The following SLFN12L variants were observed in gnomAD, a reference collection of about 807,000 sequenced individuals.
The protein encoded by SLFN12L is schlafen family member 12-like.
In SLFN12L, 34 loss-of-function variants were observed where a neutral mutation model predicts 34.8. The observed-to-expected ratio is 0.98, with a 90% confidence interval of 0.74 to 1.30. The LOEUF (loss-of-function observed/expected upper bound fraction) is 1.30, where lower values mean the gene tolerates loss of function less well. Among genes scored for constraint, SLFN12L ranks in the 50% most tolerant of loss-of-function variants. SLFN12L has a pLI of 0.00. For missense variants in SLFN12L, 703 were observed against 696.2 expected (o/e 1.01, Z -0.11); for synonymous variants, 259 against 247.5 (o/e 1.05, Z -0.44).
At chr17:35,527,133 G>A (rs560270138) in intron 1 of SLFN12L, among the ~76,000 whole-genome samples, 90 of 152,110 alleles carry the variant, frequency 5.9e-4, no homozygotes, top group Non-Finnish European at 1.2e-3. Flanking sequence ...ATTCCTGGAC[G>A]CATAGGCCCT....
At chr17:35,517,222 G>GA (rs1277381409) in intron 2 of SLFN12L, among the ~76,000 whole-genome samples, 4 of 151,000 alleles carry the variant, frequency 2.6e-5, no homozygotes, top group Non-Finnish European at 5.9e-5. Flanking sequence ...CTGGGGCAGA[G>GA]AAAAAAAAAT....
chr17:35,520,818 T>C (rs1390013066), intron 2 of SLFN12L, among the ~76,000 whole-genome samples: 3 of 152,092 alleles, frequency 2.0e-5, no homozygotes, highest in African/African-American at 7.2e-5. Flanking sequence ...TTACTCTCCA[T>C]GCACATGCAC....
In SLFN12L at chr17:35,464,381, T is replaced by C. The variant is rs1913688564; in HGVS notation, c.*10542A>G. The C allele has an allele frequency of 6.6e-6, 1 of 152,192 alleles. No individual in the cohort carries two copies. Among genetic ancestry groups the C allele is most frequent in the African/African-American group, 2.4e-5 (1 of 41,438 alleles). The allele number at this position is 152,192 out of a possible 1,614,324, so 9.4% of individuals were successfully genotyped here. ...TTTCATCACCCAGGTATTAAGCCCA[T>C]ACCCAATAGTTAACTTTTCTGCTCC... On this transcript the variant is annotated 3_prime_UTR_variant, in exon 5 of 5. Transcript: ENST00000628453.
chr17:35,502,792 TA>T (rs1204545757), intron 2 of SLFN12L, among the ~76,000 whole-genome samples: 1 of 152,144 alleles, frequency 6.6e-6, no homozygotes, highest in Non-Finnish European at 1.5e-5. Context: ...TCCACAGACA[TA>T]AAGGAAGTTT....
intron 1 of SLFN12L, among the ~76,000 whole-genome samples, chr17:35,529,234 T>C (rs190250170): frequency 5.8e-4 from 89 of 152,352 alleles, no homozygotes; most frequent in Admixed American, 1.1e-3. Flanking sequence ...GGAATGCTTT[T>C]ACACTGTTGA....
chr17:35,472,342 T>C lies in SLFN12L; in HGVS notation c.*2581A>G, dbSNP rs201840184. 1.1e-4 allele frequency among the ~76,000 whole-genome samples: 17 copies of C among 152,348 alleles called. No individual in the cohort carries two copies. In the East Asian group the frequency reaches 3.1e-3, roughly 28 times the overall value. On this transcript the variant is annotated 3_prime_UTR_variant, in exon 5 of 5. Coordinates refer to ENST00000628453, the MANE Select transcript of SLFN12L (RefSeq NM_001363830.2). ...TAAGGAAGGGATCCAGTTTCAGTTT[T>C]CTGCATATGGCTAGCCAGTTCTCCC...
Position 35,474,667 on chromosome 17 carries a change from C to T in SLFN12L, c.*256G>A, listed in dbSNP as rs1913875150. 1 of 382,536 alleles carries T rather than the reference C, an allele frequency of 2.6e-6. No homozygotes were observed. The highest frequency in any genetic ancestry group is 2.3e-5 in the African/African-American group (1 of 44,134). 23.7% of individuals were successfully genotyped at this position (382,536 alleles called of 1,614,324 possible). On this transcript the variant is annotated 3_prime_UTR_variant, in exon 5 of 5. Transcript: ENST00000628453. ...CCGGGCGCGGTGGCTCACATCTGTA[C>T]TCCTAGCACTTTGGGAGACCGGGGG...
chr17:35,485,630 A>G (rs1424147209), intron 2 of SLFN12L, among the ~76,000 whole-genome samples: 1 of 152,232 alleles, frequency 6.6e-6, no homozygotes, highest in African/African-American at 2.4e-5. Context: ...ATTTTCTTCT[A>G]GAACTTTTAT....
In SLFN12L at chr17:35,479,924, C is replaced by T; in HGVS notation, c.358G>A (p.Asp120Asn). ...ATGTTACTAAAAGAATTTTCCAAATCTAGCCCTATTCCATCTTTTTTATAA... is the reference window on the plus strand; with the variant it reads ...ATGTTACTAAAAGAATTTTCCAAATTTAGCCCTATTCCATCTTTTTTATAA... Reference protein sequence around the residue: ...YSYKKDGIGLDLENSFSNMLP... With the variant: ...YSYKKDGIGLNLENSFSNMLP... The change falls in exon 3 of 5, where the codon GAT (aspartate) becomes AAT (asparagine). Residue 120 changes from aspartate (D) to asparagine (N), a missense_variant. By Grantham distance (23) the Asp-to-Asn change is conservative. Coordinates refer to ENST00000628453, the MANE Select transcript of SLFN12L (RefSeq NM_001363830.2). The T allele has an allele frequency of 2.5e-6, 4 of 1,614,024 alleles. No homozygotes were observed. The highest frequency in any genetic ancestry group is 3.4e-6 in the Non-Finnish European group (4 of 1,179,910).
At chr17:35,485,476 T>A (rs1914542576) in intron 2 of SLFN12L, among the ~76,000 whole-genome samples, 2 of 152,232 alleles carry the variant, frequency 1.3e-5, no homozygotes, top group Admixed American at 1.3e-4. Context: ...CTCTAGGTTG[T>A]CTGTTTACTC....
intron 1 of SLFN12L, among the ~76,000 whole-genome samples, chr17:35,535,176 ACTCT>A (rs2072446654): frequency 6.9e-6 from 1 of 144,642 alleles, no homozygotes; most frequent in Admixed American, 6.9e-5. Context: ...CAAAACCTAG[ACTCT>A]CTCTTTCTCC....
rs934388598 is a variant in SLFN12L, at chr17:35,466,919, T to A, written c.*8004A>T. Among the ~76,000 whole-genome samples, 1 of 152,118 alleles carries A rather than the reference T, an allele frequency of 6.6e-6. No individual in the cohort carries two copies. The highest frequency in any genetic ancestry group is 1.5e-5 in the Non-Finnish European group (1 of 68,006). Reference sequence around the variant, plus strand: ...CATAGAGGCTTTCACAGATTCTGAGTCTGTGACCCTCCATACCTGGCTACC... The same window carrying A: ...CATAGAGGCTTTCACAGATTCTGAGACTGTGACCCTCCATACCTGGCTACC... On this transcript the variant is annotated 3_prime_UTR_variant, in exon 5 of 5. Coordinates refer to ENST00000628453, the MANE Select transcript of SLFN12L (RefSeq NM_001363830.2).
chr17:35,486,508 G>C (rs8064947), intron 2 of SLFN12L, among the ~76,000 whole-genome samples: 102,527 of 151,960 alleles, frequency 0.67, 34,690 homozygotes, highest in Middle Eastern at 0.78. Context: ...CTGGCCACCC[G>C]AGTCCAACAC....
At chr17:35,502,215 C>T (rs1245067490) in intron 2 of SLFN12L, among the ~76,000 whole-genome samples, 1 of 152,072 alleles carries the variant, frequency 6.6e-6, no homozygotes, top group Non-Finnish European at 1.5e-5. Flanking sequence ...TCCAATACCA[C>T]TTTGTTGTCA....
chr17:35,501,263 A>T (rs1046224289), intron 2 of SLFN12L, among the ~76,000 whole-genome samples: 3 of 152,102 alleles, frequency 2.0e-5, no homozygotes, highest in African/African-American at 2.4e-5. Context: ...AGCATGGCAG[A>T]CCCCAATGGA....
At position 35,479,599 on chromosome 17, in the gene SLFN12L, T is replaced by C. The variant is rs763187572; in HGVS notation, c.683A>G (p.Asn228Ser). ...TTCTTTATAACCAAGTTCTGTTCTGTTAAAAAAATCAGCAGCCAAGGCTTC... is the reference window on the plus strand; with the variant it reads ...TTCTTTATAACCAAGTTCTGTTCTGCTAAAAAAATCAGCAGCCAAGGCTTC... ...NMEALAADFF[N>S]RTELGYKEKL... The change falls in exon 3 of 5, where the codon AAC becomes AGC. Residue 228 changes from asparagine to serine, a missense_variant. Coordinates refer to ENST00000628453, the MANE Select transcript of SLFN12L (RefSeq NM_001363830.2). The C allele has an allele frequency of 4.3e-6, 7 of 1,612,776 alleles. No homozygotes were observed. In the South Asian group the frequency reaches 6.6e-5, roughly 15 times the overall value.
intron 2 of SLFN12L, among the ~76,000 whole-genome samples, chr17:35,521,067 G>C (rs1429524974): frequency 6.6e-6 from 1 of 152,082 alleles, no homozygotes; most frequent in East Asian, 1.9e-4. Flanking sequence ...TATAACTCCA[G>C]CCTAACTATG....
At chr17:35,477,945 A>G in intron 4 of SLFN12L, 130 bp downstream of exon 4, 1 of 628,582 alleles carries the variant, frequency 1.6e-6, no homozygotes. Flanking sequence ...CAATGACTAA[A>G]AACACCAAAG....
At chr17:35,498,522 C>CA (rs1915180062) in intron 2 of SLFN12L, 7 of 1,239,748 alleles carry the variant, frequency 5.6e-6, no homozygotes, top group Non-Finnish European at 6.0e-6. Context: ...CTTTGTCTGC[C>CA]TCCATCTCAG....
Sources: allele counts gnomAD v4.1 joint callset (sites outside exome capture counted in the v4.1 genomes callset), GRCh38; gene constraint gnomAD v4.1.1; transcripts MANE v1.5; gene names NCBI Gene and HGNC (gene_info 2026-07-23, HGNC 2026-07-21).